MEGF10: variants seen among roughly 807,000 people sequenced by gnomAD.
The protein encoded by MEGF10 is multiple EGF like domains 10, also known as multiple epidermal growth factor-like domains protein 10.
In MEGF10, 86 loss-of-function variants were observed where a neutral mutation model predicts 147.5. The observed-to-expected ratio is 0.58, with a 90% confidence interval of 0.49 to 0.70. The LOEUF (loss-of-function observed/expected upper bound fraction) is 0.70. MEGF10 is among the 30% of genes least tolerant of loss of function. The pLI is 0.00. For synonymous variants in MEGF10, 478 were observed against 525.5 expected (o/e 0.91, Z 1.24); for missense variants, 1,329 against 1,487.3 (o/e 0.89, Z 1.75).
intron 9 of MEGF10, among the ~76,000 whole-genome samples, chr5:127,412,672 C>T (rs1353202123): frequency 6.6e-6 from 1 of 151,850 alleles, no homozygotes; most frequent in Non-Finnish European, 1.5e-5. Flanking sequence ...GTAGCTTTTG[C>T]AGCATTAAAA....
Position 127,367,610 on chromosome 5 carries a change from A to G in MEGF10, c.320-2300A>G, listed in dbSNP as rs115648903. Among the ~76,000 whole-genome samples the G allele has an allele frequency of 2.4e-3, 371 of 152,280 alleles. 1 individual carries two copies. The highest frequency in any genetic ancestry group is 8.3e-3 in the African/African-American group (345 of 41,564). On this transcript the variant is annotated intron_variant, in intron 4 of 24. Coordinates refer to ENST00000503335, the MANE Select transcript of MEGF10 (RefSeq NM_001256545.2). The stretch of plus-strand genomic sequence containing the variant: ...CTTCCTTTCATCAGCCACCACATTC[A>G]ATTTCTGTGTTTTGGTTTAAATGCA...
At chr5:127,302,343 A>C (rs1408709788) in intron 1 of MEGF10, among the ~76,000 whole-genome samples, 1 of 152,236 alleles carries the variant, frequency 6.6e-6, no homozygotes, top group African/African-American at 2.4e-5. Context: ...AACCTTAGCA[A>C]TATTATGCTA....
At chr5:127,297,631 G>A (rs1759564673) in intron 1 of MEGF10, among the ~76,000 whole-genome samples, 1 of 152,230 alleles carries the variant, frequency 6.6e-6, no homozygotes, top group African/African-American at 2.4e-5. Context: ...AATTTACAAA[G>A]CATCTTCAAG....
intron 8 of MEGF10, among the ~76,000 whole-genome samples, chr5:127,404,810 G>T (rs1230547170): frequency 6.6e-6 from 1 of 151,968 alleles, no homozygotes; most frequent in East Asian, 1.9e-4. Flanking sequence ...CCATCTCCCA[G>T]GTTCAAGCAA....
At chr5:127,418,016 C>T (rs1347152493) in intron 10 of MEGF10, among the ~76,000 whole-genome samples, 2 of 152,086 alleles carry the variant, frequency 1.3e-5, no homozygotes, top group Non-Finnish European at 2.9e-5. Context: ...ACTGGTAAAA[C>T]TATAAATGTG....
chr5:127,283,757 A>C, the MEGF10 span, among the ~76,000 whole-genome samples: 2 of 152,368 alleles, frequency 1.3e-5, no homozygotes, highest in African/African-American at 4.8e-5. Context: ...AAGCATCATT[A>C]AGAAAACATG....
the MEGF10 span, among the ~76,000 whole-genome samples, chr5:127,266,788 C>G: frequency 2.6e-5 from 4 of 152,188 alleles, no homozygotes; most frequent in African/African-American, 2.4e-5. Flanking sequence ...TGAGACTTCG[C>G]TGAAGTTGCT....
intron 4 of MEGF10, among the ~76,000 whole-genome samples, chr5:127,368,897 A>C (rs1305757435): frequency 6.6e-6 from 1 of 152,160 alleles, no homozygotes; most frequent in African/African-American, 2.4e-5. Context: ...TTTTTTGAGG[A>C]GAAAAATATG....
At chr5:127,402,382 T>C (rs1764166539) in intron 7 of MEGF10, among the ~76,000 whole-genome samples, 164 bp from the exon 8 acceptor site, 1 of 152,246 alleles carries the variant, frequency 6.6e-6, no homozygotes. Flanking sequence ...TCTAATATTT[T>C]AAAGATGATG....
intron 13 of MEGF10, among the ~76,000 whole-genome samples, chr5:127,429,287 C>G (rs978496418): frequency 6.6e-6 from 1 of 152,120 alleles, no homozygotes; most frequent in Admixed American, 6.5e-5. Context: ...GACCTGAGCC[C>G]CTAAATGTGT....
chr5:127,379,336 C>T (rs1158583682), intron 5 of MEGF10, among the ~76,000 whole-genome samples: 3 of 152,240 alleles, frequency 2.0e-5, no homozygotes, highest in Non-Finnish European at 2.9e-5. Context: ...ATGCTGCTCT[C>T]CTTCCCAAAA....
the MEGF10 span, among the ~76,000 whole-genome samples, chr5:127,272,783 A>T: frequency 0.05 from 7,638 of 152,216 alleles, 319 homozygotes; most frequent in African/African-American, 0.11. Flanking sequence ...GATTTTGTAT[A>T]CTGAGACTTT....
In MEGF10 at chr5:127,401,786, C is replaced by T. The variant is rs146831754; in HGVS notation, c.781-760C>T. ...TGGTACAGTATCTTATTCCTATCCACGCAAGATTGGAGTAAATATAATGAC... is the reference window on the plus strand; with the variant it reads ...TGGTACAGTATCTTATTCCTATCCATGCAAGATTGGAGTAAATATAATGAC... On this transcript the variant is annotated intron_variant, in intron 7 of 24. Coordinates refer to ENST00000503335, the MANE Select transcript of MEGF10 (RefSeq NM_001256545.2). Among the ~76,000 whole-genome samples, 448 of 152,240 alleles carry T rather than the reference C, an allele frequency of 2.9e-3. 1 individual carries two copies. Among genetic ancestry groups the T allele is most frequent in the African/African-American group, 9.7e-3 (404 of 41,536 alleles).
chr5:127,372,269 G>GA (rs1384129903), intron 5 of MEGF10, among the ~76,000 whole-genome samples: 2 of 152,206 alleles, frequency 1.3e-5, no homozygotes, highest in Non-Finnish European at 2.9e-5. Flanking sequence ...TTAGGAGATA[G>GA]AAACCACAGT....
chr5:127,457,020 TA>T (rs1251327746), intron 24 of MEGF10, 107 bp from the exon 25 acceptor site: 12 of 1,125,674 alleles, frequency 1.1e-5, no homozygotes, highest in African/African-American at 3.1e-5. Flanking sequence ...CATTTCCTTA[TA>T]TTTTTTTAAA....
At chr5:127,391,092 G>GCA (rs1334362105) in intron 5 of MEGF10, among the ~76,000 whole-genome samples, 4 of 20,722 alleles carry the variant, frequency 1.9e-4, no homozygotes, top group African/African-American at 4.4e-4. Context: ...ACACATGCGC[G>GCA]CGCGCGCGCG....
chr5:127,339,427 G>T (rs1761594918), intron 3 of MEGF10, among the ~76,000 whole-genome samples: 1 of 152,152 alleles, frequency 6.6e-6, no homozygotes, highest in Non-Finnish European at 1.5e-5. Flanking sequence ...CAGCCTAACT[G>T]CAGAGAAAGT....
Position 127,341,738 on chromosome 5 carries a change from T to C in MEGF10, c.319+1108T>C, listed in dbSNP as rs150728533. Among the ~76,000 whole-genome samples the C allele has an allele frequency of 1.1e-3, 172 of 152,282 alleles. 1 individual carries two copies. Among genetic ancestry groups the C allele is most frequent in the Admixed American group, 3.5e-3 (53 of 15,290 alleles). On this transcript the variant is annotated intron_variant, in intron 4 of 24. Transcript: ENST00000503335. ...CAAAAAGAAGAAAATAAAAATACGT[T>C]GTGAATATTTTTCCTGGTCAGTAAT...
At chr5:127,400,552 T>C (rs900169374) in intron 7 of MEGF10, among the ~76,000 whole-genome samples, 6 of 152,240 alleles carry the variant, frequency 3.9e-5, no homozygotes, top group African/African-American at 1.4e-4. Flanking sequence ...GTGTTGGTCT[T>C]TTGCAATGAA....
Sources: gnomAD v4.1 joint callset for allele counts (sites outside exome capture counted in the v4.1 genomes callset) on GRCh38, gnomAD v4.1.1 for gene constraint, MANE v1.5 for transcripts, NCBI Gene and HGNC (gene_info 2026-07-23, HGNC 2026-07-21) for gene names.